The following CCSER1 variants were observed in gnomAD, a reference collection of about 807,000 sequenced individuals.
The protein encoded by CCSER1 is coiled-coil serine rich protein 1, also known as serine-rich coiled-coil domain-containing protein 1.
Under a neutral mutation model 82.0 loss-of-function variants are expected in CCSER1, and 41 were observed. The ratio of observed to expected loss-of-function variants is 0.50; its 90% CI spans 0.39 to 0.65. The LOEUF is 0.65. Ranked by LOEUF, CCSER1 falls within the 30% of genes least tolerant of loss-of-function variation. The pLI is 0.00. For synonymous variants in CCSER1, 414 were observed against 383.9 expected, an observed-to-expected ratio of 1.08 and a Z score of -0.92; for missense variants, 1,119 against 1,064.2, an observed-to-expected ratio of 1.05 and a Z score of -0.72.
At chr4:90,270,628 C>G (rs1378078481) in intron 1 of CCSER1, among the ~76,000 whole-genome samples, 2 of 151,914 alleles carry the variant, frequency 1.3e-5, no homozygotes, top group African/African-American at 4.8e-5. Flanking sequence ...CAAAATAGTA[C>G]TGGAAGTTCT....
intron 5 of CCSER1, among the ~76,000 whole-genome samples, chr4:90,574,158 T>C (rs2148589629): frequency 6.6e-6 from 1 of 152,092 alleles, no homozygotes; most frequent in Non-Finnish European, 1.5e-5. Flanking sequence ...TTCTTGTTTT[T>C]TTTTAAATGA....
intron 1 of CCSER1, among the ~76,000 whole-genome samples, chr4:90,271,972 G>A (rs529604144): frequency 6.8e-6 from 1 of 147,920 alleles, no homozygotes; most frequent in Non-Finnish European, 1.5e-5. Flanking sequence ...ACGGAAGCAG[G>A]CACCTTTTTT....
At chr4:90,376,249 A>G (rs1197795872) in intron 3 of CCSER1, among the ~76,000 whole-genome samples, 1 of 152,156 alleles carries the variant, frequency 6.6e-6, no homozygotes, top group Non-Finnish European at 1.5e-5. Flanking sequence ...TGCACACCCT[A>G]TGTGAAGTTA....
At chr4:90,643,368 C>G (rs1420211345) in intron 6 of CCSER1, among the ~76,000 whole-genome samples, 1 of 152,166 alleles carries the variant, frequency 6.6e-6, no homozygotes, top group Non-Finnish European at 1.5e-5. Context: ...TCATCCTATA[C>G]TACTTCAGAG....
intron 3 of CCSER1, among the ~76,000 whole-genome samples, chr4:90,372,208 A>G (rs542049657): frequency 1.3e-5 from 2 of 151,946 alleles, no homozygotes; most frequent in Non-Finnish European, 2.9e-5. Flanking sequence ...AAAACATAAC[A>G]CTCTGTGGCT....
chr4:91,385,968 A>G (rs960924767), intron 10 of CCSER1, among the ~76,000 whole-genome samples: 4 of 151,998 alleles, frequency 2.6e-5, no homozygotes, highest in Non-Finnish European at 5.9e-5. Context: ...ATACATACAC[A>G]CACACACATA....
chr4:90,457,683 A>C (rs1456405250), intron 4 of CCSER1, among the ~76,000 whole-genome samples: 1 of 152,082 alleles, frequency 6.6e-6, no homozygotes, highest in Non-Finnish European at 1.5e-5. Context: ...AAGAGGAGGA[A>C]GTGTGTGCTG....
At chr4:91,444,286 A>G (rs1755406903) in intron 10 of CCSER1, among the ~76,000 whole-genome samples, 1 of 152,168 alleles carries the variant, frequency 6.6e-6, no homozygotes, top group Non-Finnish European at 1.5e-5. Context: ...AAATTATTTA[A>G]TTGTCCAGTA....
At chr4:91,007,043 T>G (rs1366977771) in intron 9 of CCSER1, among the ~76,000 whole-genome samples, 2 of 152,240 alleles carry the variant, frequency 1.3e-5, no homozygotes, top group Non-Finnish European at 2.9e-5. Context: ...TGTATGTTTT[T>G]TGTCCTTTAT....
At chr4:91,222,506 T>C (rs1003701495) in intron 10 of CCSER1, among the ~76,000 whole-genome samples, 3 of 152,150 alleles carry the variant, frequency 2.0e-5, no homozygotes, top group African/African-American at 7.2e-5. Context: ...TGCCTGAGAA[T>C]TGTGTGCAGA....
chr4:90,456,656 G>A (rs1216454854), intron 4 of CCSER1, among the ~76,000 whole-genome samples: 4 of 152,174 alleles, frequency 2.6e-5, no homozygotes, highest in Non-Finnish European at 5.9e-5. Flanking sequence ...GATTGGCAGT[G>A]TCCTCCCCAG....
At chr4:90,136,564 G>A (rs1279371451) in intron 1 of CCSER1, among the ~76,000 whole-genome samples, 2 of 152,130 alleles carry the variant, frequency 1.3e-5, no homozygotes, top group African/African-American at 4.8e-5. Flanking sequence ...TTTTGCAATA[G>A]CAGTAAATAA....
In CCSER1 at chr4:90,897,550, A is replaced by G. The variant is rs190068145; in HGVS notation, c.2095-25820A>G. Reference sequence around the variant, plus strand: ...ACCCAATTCTTGTTTGATAAACACTAAGGTTGGTTTCATGACTTTACTATT... The same window carrying G: ...ACCCAATTCTTGTTTGATAAACACTGAGGTTGGTTTCATGACTTTACTATT... On this transcript the variant is annotated intron_variant, in intron 8 of 10. Transcript: ENST00000509176. 8.5e-4 allele frequency among the ~76,000 whole-genome samples: 130 copies of G among 152,146 alleles called. 1 individual carries two copies. Among genetic ancestry groups the G allele is most frequent in the Admixed American group, 2.4e-3 (37 of 15,250 alleles).
At chr4:91,595,228 T>C (rs1764509728) in intron 10 of CCSER1, among the ~76,000 whole-genome samples, 1 of 152,142 alleles carries the variant, frequency 6.6e-6, no homozygotes, top group African/African-American at 2.4e-5. Flanking sequence ...GTCGAGATAG[T>C]GTAATTGCAC....
intron 9 of CCSER1, among the ~76,000 whole-genome samples, chr4:90,929,080 T>C (rs1373279241): frequency 6.6e-6 from 1 of 152,130 alleles, no homozygotes. Context: ...CCCTCTTTTT[T>C]CCCTGAACAC....
chr4:90,506,812 G>T (rs1205355812), intron 5 of CCSER1, among the ~76,000 whole-genome samples: 1 of 151,510 alleles, frequency 6.6e-6, no homozygotes, highest in Non-Finnish European at 1.5e-5. Context: ...AACAAGAATT[G>T]TTAAACATTG....
rs200649970 is a variant in CCSER1 at position 90,324,103 on chromosome 4, TATTGTGAATAGTGC to T, written c.1509+11057_1509+11070del. 8.8e-3 allele frequency among the ~76,000 whole-genome samples: 1,345 copies of T among 152,344 alleles called. 17 individuals carry two copies. Among genetic ancestry groups the T allele is most frequent in the African/African-American group, 0.031 (1,291 of 41,576 alleles). On this transcript the variant is annotated intron_variant, in intron 3 of 10. Coordinates refer to ENST00000509176, the MANE Select transcript of CCSER1 (RefSeq NM_001145065.2). The stretch of plus-strand genomic sequence containing the variant: ...ATTTGGGTTGGTTCCAAGTCTTTGC[TATTGTGAATAGTGC>T]CGCAATAAACATACGTGTGCATGTG...
At chr4:90,573,864 AGTTTATAAAAC>A (rs2148587684) in intron 5 of CCSER1, among the ~76,000 whole-genome samples, 1 of 152,310 alleles carries the variant, frequency 6.6e-6, no homozygotes, top group Non-Finnish European at 1.5e-5. Context: ...ATCAATTCAT[AGTTTATAAAAC>A]ACTAAATTTC....
chr4:90,202,089 T>C (rs1025465672), intron 1 of CCSER1, among the ~76,000 whole-genome samples: 4 of 152,322 alleles, frequency 2.6e-5, no homozygotes, highest in Middle Eastern at 3.4e-3. Context: ...CAAGATATTA[T>C]GAAAGTCTAA....
Sources: allele counts gnomAD v4.1 joint callset (sites outside exome capture counted in the v4.1 genomes callset), GRCh38; gene constraint gnomAD v4.1.1; transcripts MANE v1.5; gene names NCBI Gene and HGNC (gene_info 2026-07-23, HGNC 2026-07-21).